COL21A1: variants seen among roughly 807,000 people sequenced by gnomAD.
The protein encoded by COL21A1 is collagen alpha-1(XXI) chain.
Under a neutral mutation model 137.9 loss-of-function variants are expected in COL21A1, and 149 were observed. The observed-to-expected ratio is 1.08, with a 90% CI of 0.95 to 1.24. COL21A1 has a LOEUF of 1.24. Among genes scored for constraint, COL21A1 ranks in the 50% most tolerant of loss-of-function variants. The pLI is 0.00. For missense variants in COL21A1, 1,167 were observed against 1,158.4 expected, an observed-to-expected ratio of 1.01 and a Z score of -0.11; for synonymous variants, 456 against 391.5, an observed-to-expected ratio of 1.16 and a Z score of -1.95.
intron 1 of COL21A1, among the ~76,000 whole-genome samples, chr6:56,206,693 A>ATATATATATAT (rs1779800725): frequency 2.3e-5 from 3 of 127,910 alleles, no homozygotes; most frequent in Non-Finnish European, 3.5e-5. Flanking sequence ...TAAATAAATA[A>ATATATATATAT]ATAAATATAT....
At chr6:56,312,538 A>T (rs1037669031) in intron 1 of COL21A1, among the ~76,000 whole-genome samples, 1 of 152,170 alleles carries the variant, frequency 6.6e-6, no homozygotes, top group African/African-American at 2.4e-5. Context: ...TTGGTTTGAG[A>T]TATCTCTCAG....
At chr6:56,318,842 T>C (rs1252731873) in intron 1 of COL21A1, among the ~76,000 whole-genome samples, 1 of 152,130 alleles carries the variant, frequency 6.6e-6, no homozygotes, top group Non-Finnish European at 1.5e-5. Flanking sequence ...ATCTATTTCT[T>C]TGAATCCGTT....
At chr6:56,289,698 G>A (rs1222269553) in intron 1 of COL21A1, among the ~76,000 whole-genome samples, 4 of 152,152 alleles carry the variant, frequency 2.6e-5, no homozygotes, top group African/African-American at 9.7e-5. Flanking sequence ...ATACCAACCT[G>A]GAGAGTCATT....
At chr6:56,279,530 G>A (rs893467705) in intron 1 of COL21A1, among the ~76,000 whole-genome samples, 1 of 152,114 alleles carries the variant, frequency 6.6e-6, no homozygotes, top group Non-Finnish European at 1.5e-5. Flanking sequence ...CCTTTCCAAT[G>A]CAGCTCTCAT....
intron 1 of COL21A1, among the ~76,000 whole-genome samples, chr6:56,376,085 G>C (rs1581787865): frequency 1.3e-5 from 2 of 152,300 alleles, no homozygotes; most frequent in African/African-American, 4.8e-5. Context: ...ACTCGCTTCT[G>C]ACAAGGAGTG....
At chr6:56,372,719 G>C (rs2093991741) in intron 1 of COL21A1, among the ~76,000 whole-genome samples, 1 of 152,194 alleles carries the variant, frequency 6.6e-6, no homozygotes, top group Non-Finnish European at 1.5e-5. Context: ...GGCTTTGTCT[G>C]TCTCTCCATC....
chr6:56,081,832 C>A (rs575279522), intron 17 of COL21A1, among the ~76,000 whole-genome samples: 3 of 151,904 alleles, frequency 2.0e-5, no homozygotes, highest in African/African-American at 7.2e-5. Context: ...CCCAAATTAC[C>A]CAAAGATAAA....
At chr6:56,300,719 C>A (rs1433594394) in intron 1 of COL21A1, among the ~76,000 whole-genome samples, 5 of 152,004 alleles carry the variant, frequency 3.3e-5, no homozygotes, top group Non-Finnish European at 5.9e-5. Context: ...ACATAATTAG[C>A]CAAAATAAAT....
Position 56,265,151 on chromosome 6 carries a change from G to A in COL21A1, c.-38-82495C>T, listed in dbSNP as rs114880048. On this transcript the variant is annotated intron_variant, in intron 1 of 28. Transcript: ENST00000370819. ...CAAGGCTAAGACAGGGGCTGGAAGC[G>A]GAAGTCTTCAAGCTACTTGGAAAAT... 6.2e-3 allele frequency among the ~76,000 whole-genome samples: 943 copies of A among 152,294 alleles called. 13 individuals carry two copies. Among genetic ancestry groups the A allele is most frequent in the African/African-American group, 0.021 (875 of 41,560 alleles).
intron 16 of COL21A1, 96 bp downstream of exon 16, chr6:56,123,964 CAT>C (rs756915477): frequency 1.4e-5 from 14 of 1,011,662 alleles, no homozygotes; most frequent in East Asian, 2.7e-5. Context: ...CCCAATGCCA[CAT>C]GTTAAAAAAT....
At chr6:56,303,913 C>T (rs1764367356) in intron 1 of COL21A1, among the ~76,000 whole-genome samples, 1 of 152,128 alleles carries the variant, frequency 6.6e-6, no homozygotes, top group Non-Finnish European at 1.5e-5. Flanking sequence ...CCCATCAATA[C>T]CTAATTTATT....
At chr6:56,306,519 G>A (rs984424762) in intron 1 of COL21A1, among the ~76,000 whole-genome samples, 6 of 152,030 alleles carry the variant, frequency 3.9e-5, no homozygotes, top group African/African-American at 7.2e-5. Flanking sequence ...CCAGTTGATC[G>A]AATTGGCTAC....
chr6:56,248,537 T>A (rs1030197394), upstream of COL21A1, among the ~76,000 whole-genome samples: 1 of 152,204 alleles, frequency 6.6e-6, no homozygotes, highest in Admixed American at 6.5e-5. Flanking sequence ...GTGTTTCCTA[T>A]CCAACTCAAG....
chr6:56,065,553 A>G (rs1425036729), intron 23 of COL21A1, among the ~76,000 whole-genome samples: 1 of 152,036 alleles, frequency 6.6e-6, no homozygotes, highest in East Asian at 1.9e-4. Context: ...AGGAAGGGGC[A>G]TCTGACAGAA....
rs1334137253 is a variant in COL21A1, at chr6:56,311,310, A to G, written c.-39+82661T>C. ...TTGTTTGAAAACATGTGTTCCTAGT[A>G]TAATGAGGGAGTGGTCCAGATCAGA... On this transcript the variant is annotated intron_variant, in intron 1 of 28. Transcript: ENST00000370819. Among the ~76,000 whole-genome samples, 5 of 152,368 alleles carry G rather than the reference A, an allele frequency of 3.3e-5. 1 individual carries two copies. The South Asian group carries it at 1.0e-3, about 32-fold the overall frequency.
intron 1 of COL21A1, among the ~76,000 whole-genome samples, chr6:56,275,706 TA>T (rs35032928): frequency 0.099 from 15,116 of 152,106 alleles, 998 homozygotes; most frequent in Middle Eastern, 0.21. Context: ...TGGCTATTAT[TA>T]AAAAGTCAAA....
intron 1 of COL21A1, among the ~76,000 whole-genome samples, chr6:56,240,912 T>C (rs1288655017): frequency 1.3e-5 from 2 of 152,176 alleles, no homozygotes; most frequent in Admixed American, 1.3e-4. Flanking sequence ...CACTTCACAC[T>C]CACATGTTTG....
At chr6:56,214,951 C>G (rs1222756014) in intron 1 of COL21A1, among the ~76,000 whole-genome samples, 1 of 152,032 alleles carries the variant, frequency 6.6e-6, no homozygotes, top group African/African-American at 2.4e-5. Flanking sequence ...TATAGCTGAA[C>G]AGTCAACTTT....
chr6:56,370,592 T>C (rs1766217405), intron 1 of COL21A1, among the ~76,000 whole-genome samples: 1 of 152,238 alleles, frequency 6.6e-6, no homozygotes, highest in Admixed American at 6.5e-5. Flanking sequence ...TTGGGCTTTA[T>C]GTGCTTATAT....
Sources: gnomAD v4.1 joint callset for allele counts (sites outside exome capture counted in the v4.1 genomes callset) on GRCh38, gnomAD v4.1.1 for gene constraint, MANE v1.5 for transcripts, NCBI Gene and HGNC (gene_info 2026-07-23, HGNC 2026-07-21) for gene names.